The following KHDRBS2 variants were observed in gnomAD, a reference collection of about 807,000 sequenced individuals.
KHDRBS2 encodes KH domain-containing, RNA-binding, signal transduction-associated protein 2.
KHDRBS2 carries 26 observed loss-of-function variants against 44.3 expected under a neutral mutation model. The observed-to-expected ratio is 0.59, with a 90% CI of 0.43 to 0.81. The LOEUF (loss-of-function observed/expected upper bound fraction) is 0.81, where lower values mean the gene tolerates loss of function less well. Among genes scored for constraint, KHDRBS2 ranks in the 40% least tolerant of loss-of-function variants. KHDRBS2 has a pLI of 0.00. For missense variants in KHDRBS2, 476 were observed against 433.1 expected, an observed-to-expected ratio of 1.10 and a Z score of -0.88; for synonymous variants, 194 against 151.1, an observed-to-expected ratio of 1.28 and a Z score of -2.08.
the KHDRBS2 span, among the ~76,000 whole-genome samples, chr6:61,623,306 T>A: frequency 2.0e-5 from 3 of 152,308 alleles, no homozygotes; most frequent in South Asian, 6.2e-4. Context: ...GTTCCTCCAG[T>A]TCTGTGGCAA....
intron 4 of KHDRBS2, among the ~76,000 whole-genome samples, chr6:61,957,687 C>T (rs535375449): frequency 6.6e-6 from 1 of 152,240 alleles, no homozygotes; most frequent in East Asian, 1.9e-4. Flanking sequence ...GTGCCTGAAA[C>T]TTCATTAGCA....
At chr6:62,097,795 G>A (rs747584965) in intron 2 of KHDRBS2, among the ~76,000 whole-genome samples, 1 of 151,968 alleles carries the variant, frequency 6.6e-6, no homozygotes, top group Non-Finnish European at 1.5e-5. Flanking sequence ...TATTGCACAC[G>A]TTTATATGCA....
intron 6 of KHDRBS2, among the ~76,000 whole-genome samples, chr6:61,745,298 C>T (rs576943214): frequency 6.6e-6 from 1 of 152,138 alleles, no homozygotes; most frequent in East Asian, 1.9e-4. Flanking sequence ...TGAAAATATT[C>T]GGTTGTCAGT....
At chr6:61,788,344 A>G (rs1411140492) in intron 6 of KHDRBS2, among the ~76,000 whole-genome samples, 1 of 151,506 alleles carries the variant, frequency 6.6e-6, no homozygotes, top group African/African-American at 2.4e-5. Context: ...TTCTACACTT[A>G]GTGTCATTTC....
the KHDRBS2 span, among the ~76,000 whole-genome samples, chr6:61,643,347 C>T: frequency 5.3e-4 from 81 of 152,220 alleles, no homozygotes; most frequent in African/African-American, 1.9e-3. Context: ...CAAACCACAG[C>T]TGACATCATA....
intron 2 of KHDRBS2, among the ~76,000 whole-genome samples, chr6:62,173,249 G>A (rs1160629750): frequency 6.6e-6 from 1 of 150,560 alleles, no homozygotes; most frequent in African/African-American, 2.4e-5. Context: ...CAAAGGGGAC[G>A]TTACCACTTT....
intron 2 of KHDRBS2, among the ~76,000 whole-genome samples, chr6:62,057,608 T>C (rs994634784): frequency 6.6e-6 from 1 of 151,910 alleles, no homozygotes; most frequent in Non-Finnish European, 1.5e-5. Flanking sequence ...AGACAGAAAA[T>C]AAATCAAACA....
intron 7 of KHDRBS2, among the ~76,000 whole-genome samples, chr6:61,722,174 G>C (rs149946361): frequency 1.3e-5 from 2 of 151,966 alleles, no homozygotes. Context: ...TGCTGGATTC[G>C]GTTTGCCATT....
chr6:61,883,458 C>T (rs1800490269), intron 6 of KHDRBS2, among the ~76,000 whole-genome samples: 1 of 151,992 alleles, frequency 6.6e-6, no homozygotes, highest in African/African-American at 2.4e-5. Context: ...CATTAGTCAT[C>T]ATGTTAATTA....
intron 6 of KHDRBS2, among the ~76,000 whole-genome samples, chr6:61,755,299 T>G (rs1377890672): frequency 6.6e-6 from 1 of 152,184 alleles, no homozygotes; most frequent in Non-Finnish European, 1.5e-5. Context: ...TGAGCATTGG[T>G]AAGTTCTTAA....
chr6:62,245,854 G>C (rs1369525339), intron 1 of KHDRBS2, among the ~76,000 whole-genome samples: 1 of 151,616 alleles, frequency 6.6e-6, no homozygotes, highest in Non-Finnish European at 1.5e-5. Flanking sequence ...CTAGGGAATA[G>C]AGCAGTTTGC....
chr6:61,853,032 A>G (rs1795678155), intron 6 of KHDRBS2, among the ~76,000 whole-genome samples: 1 of 152,120 alleles, frequency 6.6e-6, no homozygotes, highest in South Asian at 2.1e-4. Context: ...TGGGATACTG[A>G]TCTGTTGCCA....
At chr6:62,099,476 A>G (rs993961995) in intron 2 of KHDRBS2, among the ~76,000 whole-genome samples, 2 of 152,056 alleles carry the variant, frequency 1.3e-5, no homozygotes, top group African/African-American at 4.8e-5. Flanking sequence ...TGTTCCCTAG[A>G]GGAGGGCCAA....
intron 1 of KHDRBS2, among the ~76,000 whole-genome samples, chr6:62,226,211 G>A (rs1831791320): frequency 6.6e-6 from 1 of 152,052 alleles, no homozygotes; most frequent in Admixed American, 6.6e-5. Context: ...AGTTTCTTGA[G>A]TTTTTAATAA....
At position 61,882,391 on chromosome 6, in the gene KHDRBS2, A is replaced by G. The variant is rs549981073; in HGVS notation, c.810+12244T>C. On this transcript the variant is annotated intron_variant, in intron 6 of 8. Coordinates refer to ENST00000281156, the MANE Select transcript of KHDRBS2 (RefSeq NM_152688.4). Reference sequence around the variant, plus strand: ...GTTGAAGAATGAATGTGAATATGTGAAGAAAGATGAAAAAATAAAAAGCCC... The same window carrying G: ...GTTGAAGAATGAATGTGAATATGTGGAGAAAGATGAAAAAATAAAAAGCCC... 2.6e-5 allele frequency among the ~76,000 whole-genome samples: 4 copies of G among 152,096 alleles called. No individual in the cohort carries two copies. The South Asian group carries it at 8.3e-4, about 32-fold the overall frequency.
At chr6:62,028,751 C>T (rs1389947047) in intron 3 of KHDRBS2, among the ~76,000 whole-genome samples, 1 of 152,002 alleles carries the variant, frequency 6.6e-6, no homozygotes, top group Non-Finnish European at 1.5e-5. Flanking sequence ...AATTTGTTTT[C>T]TTAAAGACAT....
the KHDRBS2 span, among the ~76,000 whole-genome samples, chr6:61,655,634 C>A: frequency 1.3e-5 from 2 of 151,992 alleles, no homozygotes; most frequent in East Asian, 3.9e-4. Flanking sequence ...CGTGTCCATG[C>A]ACAACCAAAA....
chr6:61,719,895 A>G (rs1043559445), intron 7 of KHDRBS2, among the ~76,000 whole-genome samples: 1 of 152,066 alleles, frequency 6.6e-6, no homozygotes, highest in Non-Finnish European at 1.5e-5. Flanking sequence ...GTCATCTAGC[A>G]TTAGGTACAT....
chr6:62,117,807 G>T (rs978972170), intron 2 of KHDRBS2, among the ~76,000 whole-genome samples: 3 of 151,354 alleles, frequency 2.0e-5, no homozygotes, highest in African/African-American at 7.3e-5. Flanking sequence ...ATGGAGTCTC[G>T]CTCTGTCACC....
Sources: gnomAD v4.1 joint callset for allele counts (sites outside exome capture counted in the v4.1 genomes callset) on GRCh38, gnomAD v4.1.1 for gene constraint, MANE v1.5 for transcripts, NCBI Gene and HGNC (gene_info 2026-07-23, HGNC 2026-07-21) for gene names.